The following CDC42BPA variants were observed in gnomAD, a reference collection of about 807,000 sequenced individuals.
CDC42BPA encodes the protein CDC42 binding protein kinase alpha.
In CDC42BPA, 80 loss-of-function variants were observed where a neutral mutation model predicts 223.5. That is an observed-to-expected ratio of 0.36 (90% CI 0.30 to 0.43). The LOEUF is 0.43. Ranked by LOEUF, CDC42BPA falls within the 20% of genes least tolerant of loss-of-function variation. The pLI, the probability that CDC42BPA is intolerant of heterozygous loss-of-function variation, is 1.00. For missense variants in CDC42BPA, 1,743 were observed against 2,099.9 expected (o/e 0.83, Z 3.32); for synonymous variants, 694 against 718.6 (o/e 0.97, Z 0.55).
At chr1:227,301,337 T>C (rs1455969321) in intron 1 of CDC42BPA, among the ~76,000 whole-genome samples, 1 of 151,238 alleles carries the variant, frequency 6.6e-6, no homozygotes, top group Admixed American at 6.6e-5. Context: ...ATAAGATCAG[T>C]GAAGTAGGAG....
At chr1:227,014,866 C>A (rs4653475) in intron 34 of CDC42BPA, among the ~76,000 whole-genome samples, 48,318 of 152,072 alleles carry the variant, frequency 0.32, 8,084 homozygotes, top group East Asian at 0.56. Context: ...CTGAAATGTA[C>A]AGAGCCTGGC....
intron 2 of CDC42BPA, among the ~76,000 whole-genome samples, chr1:227,213,491 A>AT (rs1289856099): frequency 2.6e-5 from 4 of 152,174 alleles, no homozygotes; most frequent in African/African-American, 4.8e-5. Flanking sequence ...TTAGTTGGTA[A>AT]TTACACATTA....
At chr1:227,195,962 G>A (rs1203427263) in intron 4 of CDC42BPA, among the ~76,000 whole-genome samples, 34 of 152,104 alleles carry the variant, frequency 2.2e-4, no homozygotes, top group Admixed American at 2.2e-3. Context: ...ATTCACATAA[G>A]AGGGAACACA....
At chr1:227,173,788 C>T (rs1393309538) in intron 5 of CDC42BPA, among the ~76,000 whole-genome samples, 6 of 151,994 alleles carry the variant, frequency 3.9e-5, no homozygotes, top group East Asian at 1.9e-4. Flanking sequence ...GTAATAAAAT[C>T]GGTATTCCAT....
chr1:227,074,375 T>C lies in CDC42BPA; in HGVS notation c.2481-11A>G, dbSNP rs564670540. ...TTTTCATCGCTGACCCTAGAATATATAAAGACAAAGTACAAAAGTAAAACA... is the reference window on the plus strand; with the variant it reads ...TTTTCATCGCTGACCCTAGAATATACAAAGACAAAGTACAAAAGTAAAACA... On this transcript the variant is annotated splice_polypyrimidine_tract_variant and intron_variant, in intron 17 of 36. Transcript: ENST00000366766. 1 of 1,591,350 alleles carries C rather than the reference T, an allele frequency of 6.3e-7. No individual in the cohort carries two copies. The highest frequency in any genetic ancestry group is 1.4e-5 in the African/African-American group (1 of 74,068).
chr1:227,212,095 T>C (rs1199202873), intron 3 of CDC42BPA, among the ~76,000 whole-genome samples: 1 of 150,492 alleles, frequency 6.6e-6, no homozygotes, highest in Non-Finnish European at 1.5e-5. Flanking sequence ...TTTGTTTGTT[T>C]TTTTTAGTTT....
intron 21 of CDC42BPA, among the ~76,000 whole-genome samples, chr1:227,056,566 T>A (rs547463618): frequency 6.5e-4 from 99 of 152,112 alleles, no homozygotes; most frequent in Admixed American, 3.4e-3. Context: ...TTTTAAAAAA[T>A]TTTTTTGTAG....
chr1:227,315,019 T>A (rs1022960581), intron 1 of CDC42BPA, among the ~76,000 whole-genome samples: 19 of 152,198 alleles, frequency 1.2e-4, no homozygotes, highest in Middle Eastern at 3.4e-3. Context: ...TATCAATTCA[T>A]ATGAAGAACA....
At chr1:227,309,770 A>G (rs1022513972) in intron 1 of CDC42BPA, among the ~76,000 whole-genome samples, 1 of 152,212 alleles carries the variant, frequency 6.6e-6, no homozygotes, top group African/African-American at 2.4e-5. Flanking sequence ...AGAGCAGGAA[A>G]AGGTCATAAT....
At chr1:227,112,196 T>C (rs551387442) in intron 14 of CDC42BPA, 116 bp downstream of exon 14, 26 of 517,002 alleles carry the variant, frequency 5.0e-5, no homozygotes, top group Non-Finnish European at 8.5e-5. Context: ...GAATAGTAGG[T>C]TTGAAGAAAG....
intron 5 of CDC42BPA, among the ~76,000 whole-genome samples, chr1:227,187,689 C>CCCT (rs1485657420): frequency 1.8e-5 from 1 of 56,184 alleles, no homozygotes; most frequent in African/African-American, 7.2e-5. Context: ...ACCCCCCCCC[C>CCCT]AAAAAAAAAA....
intron 2 of CDC42BPA, among the ~76,000 whole-genome samples, chr1:227,216,654 A>G (rs1243139368): frequency 6.6e-6 from 1 of 152,202 alleles, no homozygotes; most frequent in East Asian, 1.9e-4. Context: ...AATCAAGAAG[A>G]GGAGGATTCT....
intron 10 of CDC42BPA, among the ~76,000 whole-genome samples, chr1:227,135,757 G>A (rs1658362274): frequency 6.6e-6 from 1 of 151,494 alleles, no homozygotes; most frequent in Non-Finnish European, 1.5e-5. Flanking sequence ...AGGAGGCTGA[G>A]GCAGGAGAAT....
At position 227,017,279 on chromosome 1, in the gene CDC42BPA, T is replaced by C. The variant is rs538723618; in HGVS notation, c.4616-229A>G. Among the ~76,000 whole-genome samples, 3 of 152,276 alleles carry C rather than the reference T, an allele frequency of 2.0e-5. No individual in the cohort carries two copies. The East Asian group carries it at 5.8e-4, about 29-fold the overall frequency. On this transcript the variant is annotated intron_variant, in intron 32 of 36. Coordinates refer to ENST00000366766, the MANE Select transcript of CDC42BPA (RefSeq NM_001394014.1). ...AAAATATACTTTCACTTTTACTTGA[T>C]TATAAACACAGTAGGACATAATTTT...
chr1:227,211,004 C>T (rs746164564), intron 3 of CDC42BPA, among the ~76,000 whole-genome samples: 1 of 152,168 alleles, frequency 6.6e-6, no homozygotes, highest in Non-Finnish European at 1.5e-5. Context: ...GACAACTGTA[C>T]AAATCCTATC....
Position 227,031,505 on chromosome 1 carries a change from A to C in CDC42BPA, c.3568T>G (p.Ser1190Ala). 6.2e-7 allele frequency: 1 copy of C among 1,613,672 alleles called. No individual in the cohort carries two copies. Among genetic ancestry groups the C allele is most frequent in the Non-Finnish European group, 8.5e-7 (1 of 1,179,672 alleles). The part of the protein sequence containing the change: ...DIPCIFRVTA[S>A]QLSASNNKCS... ...TTGTTATTAGATGCTGAGAGCTGGGAAGCTGTGACCTAGAACAATTTAATC... is the reference window on the plus strand; with the variant it reads ...TTGTTATTAGATGCTGAGAGCTGGGCAGCTGTGACCTAGAACAATTTAATC... The change falls in exon 28 of 37, where the codon TCC becomes GCC. Residue 1190 changes from serine (S) to alanine (A), a missense_variant. By Grantham distance (99) the Ser-to-Ala change is moderately conservative (BLOSUM62 1). This residue lies in a region of CDC42BPA where 678 missense variants were observed against 777.5 expected (regional missense o/e 0.87). Coordinates refer to ENST00000366766, the MANE Select transcript of CDC42BPA (RefSeq NM_001394014.1).
chr1:227,211,326 T>C (rs1004192934), intron 3 of CDC42BPA, among the ~76,000 whole-genome samples: 1 of 152,086 alleles, frequency 6.6e-6, no homozygotes, highest in Non-Finnish European at 1.5e-5. Context: ...GAATGTAAAT[T>C]AGTATAATCT....
chr1:227,008,650 C>CT (rs1437803645), intron 34 of CDC42BPA, among the ~76,000 whole-genome samples: 3 of 151,888 alleles, frequency 2.0e-5, no homozygotes, highest in African/African-American at 7.2e-5. Context: ...GGCAAAACAA[C>CT]TAAAAAAGGG....
chr1:227,230,262 C>T (rs1017985106), intron 2 of CDC42BPA, among the ~76,000 whole-genome samples: 1 of 152,134 alleles, frequency 6.6e-6, no homozygotes, highest in Non-Finnish European at 1.5e-5. Flanking sequence ...ATACTTTAGT[C>T]AAGGTTTTCT....
Sources: allele counts gnomAD v4.1 joint callset (sites outside exome capture counted in the v4.1 genomes callset), GRCh38; gene constraint gnomAD v4.1.1; regional missense constraint gnomAD v4.1.1; transcripts MANE v1.5; gene names NCBI Gene and HGNC (gene_info 2026-07-23, HGNC 2026-07-21).